Variants in PDE4B observed in about 807,000 individuals in gnomAD.
PDE4B encodes phosphodiesterase 4B, also known as 3',5'-cyclic-AMP phosphodiesterase 4B.
PDE4B carries 20 observed loss-of-function variants against 82.2 expected under a neutral mutation model. That is an observed-to-expected ratio of 0.24 (90% CI 0.17 to 0.35). The LOEUF is 0.35. Ranked by LOEUF, PDE4B falls within the 10% of genes least tolerant of loss-of-function variation. PDE4B has a pLI of 1.00. For synonymous variants in PDE4B, 320 were observed against 318.9 expected (o/e 1.00, Z -0.04); for missense variants, 655 against 907.2 (o/e 0.72, Z 3.57).
chr1:65,889,611 C>T (rs1475757401), intron 1 of PDE4B, among the ~76,000 whole-genome samples: 2 of 152,138 alleles, frequency 1.3e-5, no homozygotes, highest in Non-Finnish European at 2.9e-5. Context: ...CATGCTGCTT[C>T]TCAAACTATT....
At chr1:66,307,818 C>T (rs910864321) in intron 7 of PDE4B, among the ~76,000 whole-genome samples, 12 of 151,988 alleles carry the variant, frequency 7.9e-5, no homozygotes, top group African/African-American at 2.7e-4. Context: ...TTTTAAATTA[C>T]TGTTGATGGA....
At chr1:66,322,560 A>G (rs1473045612) in intron 7 of PDE4B, among the ~76,000 whole-genome samples, 1 of 152,186 alleles carries the variant, frequency 6.6e-6, no homozygotes, top group African/African-American at 2.4e-5. Flanking sequence ...ACATGAATAA[A>G]TGCTCATCAT....
At chr1:66,296,713 G>A (rs913112391) in intron 7 of PDE4B, among the ~76,000 whole-genome samples, 5 of 152,118 alleles carry the variant, frequency 3.3e-5, no homozygotes, top group African/African-American at 1.2e-4. Context: ...TAGAAGAGAG[G>A]CTGGCGCATA....
intron 3 of PDE4B, among the ~76,000 whole-genome samples, chr1:66,204,557 C>G (rs1213657222): frequency 1.3e-5 from 2 of 152,226 alleles, no homozygotes; most frequent in Non-Finnish European, 2.9e-5. Context: ...GCAGGTGCCC[C>G]TCCCCCAGCC....
intron 1 of PDE4B, among the ~76,000 whole-genome samples, chr1:65,842,064 G>A (rs915145561): frequency 2.0e-5 from 3 of 152,090 alleles, no homozygotes; most frequent in African/African-American, 7.2e-5. Flanking sequence ...CTTACACCAT[G>A]GACAATTAGA....
rs75560147 is a variant in PDE4B at position 66,045,621 on chromosome 1, G to T, written c.281+126786G>T. Among the ~76,000 whole-genome samples, 27 of 151,592 alleles carry T rather than the reference G, an allele frequency of 1.8e-4. No homozygotes were observed. In the East Asian group the frequency reaches 5.2e-3, roughly 29 times the overall value. On this transcript the variant is annotated intron_variant, in intron 3 of 16. Coordinates refer to ENST00000341517, the MANE Select transcript of PDE4B (RefSeq NM_002600.4). ...AGATACTCAGGTTCTTCACCACAAA[G>T]ATGGCTAAGACGCATGCTCATCCCC...
intron 3 of PDE4B, among the ~76,000 whole-genome samples, chr1:66,180,725 T>C (rs1377566309): frequency 6.6e-6 from 1 of 152,184 alleles, no homozygotes; most frequent in African/African-American, 2.4e-5. Flanking sequence ...CCCACAGTTA[T>C]GAAGGGGTCT....
intron 8 of PDE4B, among the ~76,000 whole-genome samples, chr1:66,342,981 G>A (rs114251118): frequency 0.013 from 1,965 of 152,226 alleles, 19 homozygotes; most frequent in Non-Finnish European, 0.022. Context: ...GGAGGCAGAG[G>A]TTGTAGTGCA....
At chr1:66,009,381 A>T (rs936509779) in intron 3 of PDE4B, among the ~76,000 whole-genome samples, 2 of 152,112 alleles carry the variant, frequency 1.3e-5, no homozygotes, top group Admixed American at 1.3e-4. Flanking sequence ...CCCTTCTTTC[A>T]TTCTTTCCCC....
At chr1:65,896,866 A>G (rs974092175) in intron 1 of PDE4B, among the ~76,000 whole-genome samples, 1 of 152,170 alleles carries the variant, frequency 6.6e-6, no homozygotes, top group African/African-American at 2.4e-5. Context: ...ATTCTTTTGT[A>G]ATAAGAAAAT....
intron 7 of PDE4B, among the ~76,000 whole-genome samples, chr1:66,298,849 T>G (rs1433326829): frequency 6.6e-6 from 1 of 152,292 alleles, no homozygotes; most frequent in East Asian, 1.9e-4. Flanking sequence ...GTCTTTCACA[T>G]GGATCTGAAA....
At chr1:66,277,202 G>A (rs1655942089) in intron 7 of PDE4B, among the ~76,000 whole-genome samples, 1 of 151,976 alleles carries the variant, frequency 6.6e-6, no homozygotes, top group African/African-American at 2.4e-5. Context: ...CCAGAGAACT[G>A]GGCACTTTGA....
At chr1:66,149,493 C>A (rs1413749308) in intron 3 of PDE4B, among the ~76,000 whole-genome samples, 4 of 152,020 alleles carry the variant, frequency 2.6e-5, no homozygotes, top group African/African-American at 9.7e-5. Context: ...GTCACTTGTG[C>A]TGTTGGTGTC....
At chr1:65,938,701 G>C (rs1460885594) in intron 3 of PDE4B, among the ~76,000 whole-genome samples, 2 of 152,168 alleles carry the variant, frequency 1.3e-5, no homozygotes, top group African/African-American at 4.8e-5. Context: ...GTTTTTCCTT[G>C]GTTTAGCAAT....
chr1:65,831,084 CA>C (rs1464804361), intron 1 of PDE4B, among the ~76,000 whole-genome samples: 2 of 151,836 alleles, frequency 1.3e-5, no homozygotes, highest in Non-Finnish European at 2.9e-5. Context: ...AAGAATGAGC[CA>C]AATTCAGTAA....
chr1:65,811,195 A>G (rs1044978681), intron 1 of PDE4B, among the ~76,000 whole-genome samples: 1 of 152,252 alleles, frequency 6.6e-6, no homozygotes, highest in Non-Finnish European at 1.5e-5. Context: ...GGCTCATATC[A>G]TTATGATCTC....
At chr1:66,200,736 G>T (rs987199105) in intron 3 of PDE4B, among the ~76,000 whole-genome samples, 1 of 152,162 alleles carries the variant, frequency 6.6e-6, no homozygotes, top group Non-Finnish European at 1.5e-5. Flanking sequence ...TCAGCTTAAG[G>T]AGATTTTGGG....
At chr1:65,794,400 T>C (rs1434418537) in intron 1 of PDE4B, among the ~76,000 whole-genome samples, 1 of 152,226 alleles carries the variant, frequency 6.6e-6, no homozygotes, top group Non-Finnish European at 1.5e-5. Context: ...AAGCTGTTAT[T>C]ATACCAATTA....
intron 3 of PDE4B, among the ~76,000 whole-genome samples, chr1:66,197,487 C>T (rs564568621): frequency 2.6e-5 from 4 of 152,134 alleles, no homozygotes; most frequent in East Asian, 1.9e-4. Context: ...GATATTTATA[C>T]GTATTTAAAA....
Sources: allele counts gnomAD v4.1 joint callset (sites outside exome capture counted in the v4.1 genomes callset), GRCh38; gene constraint gnomAD v4.1.1; transcripts MANE v1.5; gene names NCBI Gene and HGNC (gene_info 2026-07-23, HGNC 2026-07-21).